The following PCDH7 variants were observed in gnomAD, a reference collection of about 807,000 sequenced individuals.
PCDH7 encodes protocadherin 7.
Under a neutral mutation model 58.9 loss-of-function variants are expected in PCDH7, and 17 were observed. The ratio of observed to expected loss-of-function variants is 0.29; its 90% confidence interval spans 0.20 to 0.43. PCDH7 has a LOEUF of 0.43. Ranked by LOEUF, PCDH7 falls within the 20% of genes least tolerant of loss-of-function variation. PCDH7 has a pLI of 1.00. For synonymous variants in PCDH7, 664 were observed against 616.4 expected, an observed-to-expected ratio of 1.08 and a Z score of -1.14; for missense variants, 1,274 against 1,441.0, an observed-to-expected ratio of 0.88 and a Z score of 1.88.
intron 1 of PCDH7, among the ~76,000 whole-genome samples, chr4:30,843,290 C>G (rs1442344674): frequency 6.6e-6 from 1 of 152,048 alleles, no homozygotes; most frequent in Non-Finnish European, 1.5e-5. Context: ...TAATCTCCAC[C>G]TCCCGGACTC....
chr4:31,089,337 G>C (rs1019040566), intron 3 of PCDH7, among the ~76,000 whole-genome samples: 11 of 151,982 alleles, frequency 7.2e-5, no homozygotes, highest in Non-Finnish European at 1.5e-4. Context: ...AAACACATAT[G>C]CCTTTTAAAG....
chr4:30,908,977 G>A (rs1408821194), intron 1 of PCDH7, among the ~76,000 whole-genome samples: 3 of 152,012 alleles, frequency 2.0e-5, no homozygotes, highest in East Asian at 1.9e-4. Flanking sequence ...AAAAGCTTAT[G>A]TACCACGATC....
intron 3 of PCDH7, among the ~76,000 whole-genome samples, chr4:31,011,099 A>C (rs1753151668): frequency 6.6e-6 from 1 of 151,934 alleles, no homozygotes. Flanking sequence ...TCAATTAACC[A>C]TTGTGATCAA....
At chr4:31,142,268 A>G (rs115151236) in intron 3 of PCDH7, among the ~76,000 whole-genome samples, 182 of 152,234 alleles carry the variant, frequency 1.2e-3, no homozygotes, top group African/African-American at 3.8e-3. Context: ...TTCCTGTTCT[A>G]TAATATTGGA....
At chr4:31,008,333 G>A (rs1184116491) in intron 3 of PCDH7, among the ~76,000 whole-genome samples, 2 of 152,188 alleles carry the variant, frequency 1.3e-5, no homozygotes, top group African/African-American at 2.4e-5. Flanking sequence ...TACTATTTAA[G>A]TGATTAACTT....
chr4:30,969,014 A>T (rs145523358), intron 3 of PCDH7, among the ~76,000 whole-genome samples: 33 of 152,238 alleles, frequency 2.2e-4, no homozygotes, highest in Admixed American at 3.9e-4. Flanking sequence ...TCTTCCCCTT[A>T]TAACATTTTG....
chr4:30,801,143 G>GTT (rs1481555145), intron 1 of PCDH7, among the ~76,000 whole-genome samples: 3 of 152,120 alleles, frequency 2.0e-5, no homozygotes, highest in Admixed American at 1.3e-4. Flanking sequence ...TTTGGTAGGT[G>GTT]GTTAGATGTT....
chr4:30,866,904 T>C (rs1472144951), intron 1 of PCDH7, among the ~76,000 whole-genome samples: 1 of 152,116 alleles, frequency 6.6e-6, no homozygotes, highest in East Asian at 1.9e-4. Context: ...TTTTCCTTTT[T>C]CTTTTCCTTT....
At chr4:31,094,289 A>G (rs1201272640) in intron 3 of PCDH7, among the ~76,000 whole-genome samples, 2 of 152,110 alleles carry the variant, frequency 1.3e-5, no homozygotes, top group Non-Finnish European at 2.9e-5. Flanking sequence ...TCTCTAGAAC[A>G]GAAACATTCC....
In PCDH7 at chr4:30,871,597, G is replaced by T. The variant is rs148480556; in HGVS notation, c.71-48556G>T. ...AATAAAAACAAAGTGTCGATGATCA[G>T]CTGGTAACCTCTGCTAACTGTTCAA... On this transcript the variant is annotated intron_variant, in intron 1 of 3. Coordinates refer to the PCDH7 transcript ENST00000509759. Among the ~76,000 whole-genome samples, 612 of 152,220 alleles carry T rather than the reference G, an allele frequency of 4.0e-3. 2 individuals carry two copies. The highest frequency in any genetic ancestry group is 6.8e-3 in the Middle Eastern group (2 of 294).
intron 3 of PCDH7, among the ~76,000 whole-genome samples, chr4:30,977,256 C>A (rs990498730): frequency 6.6e-6 from 1 of 152,138 alleles, no homozygotes; most frequent in Non-Finnish European, 1.5e-5. Context: ...AGAGTGGAGT[C>A]TTGCCACTCC....
At chr4:30,763,580 G>A (rs957257731) in intron 1 of PCDH7, among the ~76,000 whole-genome samples, 2 of 152,164 alleles carry the variant, frequency 1.3e-5, no homozygotes, top group Admixed American at 6.5e-5. Context: ...TTACCTCATG[G>A]GTATAGCTGT....
Position 31,072,852 on chromosome 4 carries a change from A to G in PCDH7, c.*8-69621A>G, listed in dbSNP as rs566874474. ...TGAGTGTAACACTAGAAAAACGTTC[A>G]GAAATGAATAAAATATAGCAGCTGT... On this transcript the variant is annotated intron_variant, in intron 3 of 3. Transcript: ENST00000509759. 2.4e-4 allele frequency among the ~76,000 whole-genome samples: 36 copies of G among 152,192 alleles called. 1 individual carries two copies. Among genetic ancestry groups the G allele is most frequent in the Non-Finnish European group, 3.5e-4 (24 of 68,020 alleles).
At chr4:31,040,427 G>A (rs1008990173) in intron 3 of PCDH7, among the ~76,000 whole-genome samples, 5 of 152,144 alleles carry the variant, frequency 3.3e-5, no homozygotes, top group Non-Finnish European at 4.4e-5. Context: ...TAAAGGGAAA[G>A]GATGTTCTTA....
chr4:30,956,093 A>G (rs1395628548), intron 3 of PCDH7, among the ~76,000 whole-genome samples: 1 of 151,786 alleles, frequency 6.6e-6, no homozygotes, highest in African/African-American at 2.4e-5. Context: ...GCACGCCTGT[A>G]GTCCCAGCTA....
At chr4:30,952,334 A>T (rs1747440323) in intron 3 of PCDH7, among the ~76,000 whole-genome samples, 1 of 152,130 alleles carries the variant, frequency 6.6e-6, no homozygotes, top group African/African-American at 2.4e-5. Context: ...AGGAAAGGAA[A>T]TTATGAAAAT....
intron 1 of PCDH7, among the ~76,000 whole-genome samples, chr4:30,768,721 G>A (rs540631829): frequency 5.3e-5 from 8 of 152,110 alleles, no homozygotes; most frequent in East Asian, 3.9e-4. Flanking sequence ...TCCATGACTC[G>A]GTTTTAAAAT....
intron 2 of PCDH7, among the ~76,000 whole-genome samples, chr4:30,947,751 G>C (rs982931722): frequency 3.9e-5 from 6 of 152,030 alleles, no homozygotes; most frequent in African/African-American, 1.4e-4. Context: ...TAATATAATA[G>C]TGCTATCTGT....
intron 3 of PCDH7, among the ~76,000 whole-genome samples, chr4:31,039,721 T>C (rs1755694132): frequency 2.0e-5 from 3 of 152,340 alleles, no homozygotes; most frequent in African/African-American, 7.2e-5. Flanking sequence ...GGAAGACTTA[T>C]GTTTTTTCTA....
Sources: gnomAD v4.1 joint callset for allele counts (sites outside exome capture counted in the v4.1 genomes callset) on GRCh38, gnomAD v4.1.1 for gene constraint, MANE v1.5 for transcripts, NCBI Gene and HGNC (gene_info 2026-07-23, HGNC 2026-07-21) for gene names.